Variants in PTPRD observed in about 807,000 individuals in gnomAD.
PTPRD encodes protein tyrosine phosphatase receptor type D.
A neutral mutation model predicts 214.5 loss-of-function variants in PTPRD; 34 were observed. The ratio of observed to expected loss-of-function variants is 0.16; its 90% confidence interval spans 0.12 to 0.21. PTPRD has a LOEUF of 0.21. Ranked by LOEUF, PTPRD falls within the 10% of genes least tolerant of loss-of-function variation. PTPRD has a pLI of 1.00. For missense variants in PTPRD, 2,545 were observed against 2,398.7 expected (o/e 1.06, Z -1.27); for synonymous variants, 1,128 against 845.7 (o/e 1.33, Z -5.79).
At chr9:8,669,036 G>C (rs987790881) in intron 12 of PTPRD, among the ~76,000 whole-genome samples, 1 of 152,098 alleles carries the variant, frequency 6.6e-6, no homozygotes, top group African/African-American at 2.4e-5. Context: ...GTTCAGCGGA[G>C]AGAGAGAAGA....
At chr9:9,264,408 G>A (rs936369208) in intron 9 of PTPRD, among the ~76,000 whole-genome samples, 1 of 151,390 alleles carries the variant, frequency 6.6e-6, no homozygotes, top group African/African-American at 2.4e-5. Flanking sequence ...AATAGAGAGT[G>A]TCAAAGGCAT....
At chr9:8,968,311 G>A (rs544632236) in intron 11 of PTPRD, among the ~76,000 whole-genome samples, 1 of 152,000 alleles carries the variant, frequency 6.6e-6, no homozygotes, top group Non-Finnish European at 1.5e-5. Flanking sequence ...CTAGTTCTAG[G>A]TCCTTAAGGA....
chr9:10,112,733 C>G (rs990390462), intron 3 of PTPRD, among the ~76,000 whole-genome samples: 1 of 152,188 alleles, frequency 6.6e-6, no homozygotes, highest in Non-Finnish European at 1.5e-5. Flanking sequence ...AATTTTCTAA[C>G]GAGCCAGAAG....
chr9:10,062,890 C>A (rs1007653133), intron 3 of PTPRD, among the ~76,000 whole-genome samples: 2 of 151,972 alleles, frequency 1.3e-5, no homozygotes, highest in Admixed American at 6.6e-5. Flanking sequence ...CAATTTACCT[C>A]TGTTAATGAA....
At chr9:9,149,312 G>A (rs1237594260) in intron 10 of PTPRD, among the ~76,000 whole-genome samples, 3 of 152,202 alleles carry the variant, frequency 2.0e-5, no homozygotes, top group African/African-American at 7.2e-5. Flanking sequence ...GTTAGCTATT[G>A]TTATTGCCAT....
At chr9:8,755,770 T>C (rs2093948179) in intron 11 of PTPRD, among the ~76,000 whole-genome samples, 2 of 152,054 alleles carry the variant, frequency 1.3e-5, no homozygotes, top group Admixed American at 1.3e-4. Context: ...ATAATAAAAG[T>C]CAAAGTTACA....
chr9:9,815,666 T>G (rs1048519149), intron 5 of PTPRD, among the ~76,000 whole-genome samples: 1 of 152,046 alleles, frequency 6.6e-6, no homozygotes, highest in Non-Finnish European at 1.5e-5. Flanking sequence ...TAGTGATGTA[T>G]GATATCACTT....
chr9:9,764,421 G>A (rs1052997737), intron 6 of PTPRD, among the ~76,000 whole-genome samples: 6 of 151,980 alleles, frequency 3.9e-5, no homozygotes, highest in Admixed American at 6.6e-5. Context: ...CGCAAAAACC[G>A]TTGCCCCCAC....
chr9:9,644,028 G>A (rs564180122), intron 7 of PTPRD, among the ~76,000 whole-genome samples: 1 of 152,062 alleles, frequency 6.6e-6, no homozygotes, highest in African/African-American at 2.4e-5. Context: ...TTTATACATT[G>A]CAAAGATATG....
intron 2 of PTPRD, among the ~76,000 whole-genome samples, chr9:10,543,989 T>C (rs373538994): frequency 2.6e-5 from 4 of 152,162 alleles, no homozygotes; most frequent in South Asian, 2.1e-4. Flanking sequence ...AATGAATGCA[T>C]GTCTCAAGAT....
chr9:8,981,337 G>C (rs770938245), intron 11 of PTPRD, among the ~76,000 whole-genome samples: 1 of 151,956 alleles, frequency 6.6e-6, no homozygotes, highest in Non-Finnish European at 1.5e-5. Flanking sequence ...ACTAAATAAA[G>C]GATTGTTAAT....
chr9:10,533,140 T>G (rs892027518), intron 2 of PTPRD, among the ~76,000 whole-genome samples: 3 of 152,084 alleles, frequency 2.0e-5, no homozygotes, highest in Non-Finnish European at 2.9e-5. Context: ...ACATGATCTC[T>G]TTGCATACAC....
intron 8 of PTPRD, among the ~76,000 whole-genome samples, chr9:9,453,808 T>C (rs1199035799): frequency 1.3e-5 from 2 of 151,626 alleles, no homozygotes; most frequent in African/African-American, 4.8e-5. Flanking sequence ...GTGAAGCCCA[T>C]AAGGAGATAT....
intron 11 of PTPRD, among the ~76,000 whole-genome samples, chr9:8,961,956 T>C (rs1359363812): frequency 1.3e-5 from 2 of 152,118 alleles, no homozygotes; most frequent in South Asian, 2.1e-4. Flanking sequence ...GGAATATATA[T>C]GAAATTTACT....
At chr9:8,710,241 G>C (rs867525776) in intron 12 of PTPRD, among the ~76,000 whole-genome samples, 17 of 152,148 alleles carry the variant, frequency 1.1e-4, no homozygotes, top group South Asian at 4.1e-4. Context: ...TGAAAGACTT[G>C]GCTCTCTTAA....
chr9:9,783,808 T>A (rs1052665420), intron 5 of PTPRD, among the ~76,000 whole-genome samples: 2 of 138,270 alleles, frequency 1.4e-5, no homozygotes, highest in Non-Finnish European at 3.1e-5. Flanking sequence ...TCTGTTTTTC[T>A]CTCCTGCTTC....
At chr9:9,170,926 C>A (rs1266981857) in intron 10 of PTPRD, among the ~76,000 whole-genome samples, 1 of 152,114 alleles carries the variant, frequency 6.6e-6, no homozygotes, top group Non-Finnish European at 1.5e-5. Flanking sequence ...AGTCCAGATG[C>A]AAGTGTGGTG....
chr9:10,544,308 AAG>A (rs1365007816), intron 2 of PTPRD, among the ~76,000 whole-genome samples: 1 of 152,154 alleles, frequency 6.6e-6, no homozygotes. Context: ...GTTATTTTGA[AAG>A]AGGTTTATAT....
intron 4 of PTPRD, among the ~76,000 whole-genome samples, chr9:10,007,947 A>T (rs1022953397): frequency 7.9e-5 from 12 of 152,010 alleles, no homozygotes; most frequent in African/African-American, 2.9e-4. Context: ...ATATTTCTAT[A>T]CTTAAGAACC....
Sources: gnomAD v4.1 joint callset for allele counts (sites outside exome capture counted in the v4.1 genomes callset) on GRCh38, gnomAD v4.1.1 for gene constraint, MANE v1.5 for transcripts, NCBI Gene and HGNC (gene_info 2026-07-23, HGNC 2026-07-21) for gene names.